SORCS2: variants seen among roughly 807,000 people sequenced by gnomAD.
SORCS2 encodes the protein VPS10 domain-containing receptor SorCS2.
SORCS2 carries 100 observed loss-of-function variants against 141.6 expected under a neutral mutation model. The observed-to-expected ratio is 0.71, with a 90% CI of 0.60 to 0.83. The LOEUF (loss-of-function observed/expected upper bound fraction) is 0.83. SORCS2 is among the 40% of genes least tolerant of loss of function. The probability of loss-of-function intolerance (pLI) is 0.00; values close to 1 mark genes in which losing one functional copy is unlikely to be tolerated. For missense variants in SORCS2, 1,646 were observed against 1,560.2 expected, an observed-to-expected ratio of 1.05 and a Z score of -0.93; for synonymous variants, 789 against 676.9, an observed-to-expected ratio of 1.17 and a Z score of -2.57.
intron 2 of SORCS2, among the ~76,000 whole-genome samples, chr4:7,440,668 C>T (rs1727606303): frequency 6.6e-6 from 1 of 152,230 alleles, no homozygotes; most frequent in Admixed American, 6.5e-5. Context: ...TCTGCCTGGT[C>T]ACCAACTGCT....
At position 7,654,181 on chromosome 4, in the gene SORCS2, G is replaced by A; in HGVS notation, c.861G>A (p.Glu287=). ...DLGKKWTLLQ[E]RVTKDHVFWS... Reference sequence around the variant, plus strand: ...GGAAAAAGTGGACACTTCTGCAAGAGCGAGTGACCAAAGACCACGTGTTCT... The same window carrying A: ...GGAAAAAGTGGACACTTCTGCAAGAACGAGTGACCAAAGACCACGTGTTCT... The change falls in exon 5 of 27, where the codon GAG becomes GAA. Residue 287 remains glutamate (E), a synonymous_variant. Coordinates refer to ENST00000507866, the MANE Select transcript of SORCS2 (RefSeq NM_020777.3). 1 of 1,582,952 alleles carries A rather than the reference G, an allele frequency of 6.3e-7. No homozygotes were observed. Among genetic ancestry groups the A allele is most frequent in the South Asian group, 1.2e-5 (1 of 86,800 alleles).
At position 7,216,958 on chromosome 4, in the gene SORCS2, G is replaced by A. The variant is rs369289491; in HGVS notation, c.480+23832G>A. Among the ~76,000 whole-genome samples the A allele has an allele frequency of 6.3e-3, 961 of 152,212 alleles. 5 individuals carry two copies. The highest frequency in any genetic ancestry group is 0.022 in the African/African-American group (907 of 41,556). ...CCGTCCGCACTGCGTGGCGGTTCCC[G>A]TGGCTCTTCTGATCCCCCATCCGCA... On this transcript the variant is annotated intron_variant, in intron 1 of 26. Coordinates refer to ENST00000507866, the MANE Select transcript of SORCS2 (RefSeq NM_020777.3).
intron 3 of SORCS2, among the ~76,000 whole-genome samples, chr4:7,624,454 G>C (rs1024658774): frequency 1.3e-5 from 2 of 152,224 alleles, no homozygotes; most frequent in African/African-American, 4.8e-5. Flanking sequence ...GCTGATGCAA[G>C]ATTTTAACCA....
At chr4:7,258,356 C>G (rs542978678) in intron 1 of SORCS2, among the ~76,000 whole-genome samples, 1 of 152,254 alleles carries the variant, frequency 6.6e-6, no homozygotes, top group Admixed American at 6.5e-5. Flanking sequence ...TCCATGTGTT[C>G]TCATTGTTCA....
At chr4:7,693,157 C>A (rs1036633480) in intron 11 of SORCS2, among the ~76,000 whole-genome samples, 3 of 151,866 alleles carry the variant, frequency 2.0e-5, no homozygotes, top group Non-Finnish European at 4.4e-5. Flanking sequence ...TGAGTGGCAT[C>A]TGAAGGATAC....
intron 3 of SORCS2, among the ~76,000 whole-genome samples, chr4:7,568,825 A>G (rs1214515735): frequency 6.6e-6 from 1 of 152,236 alleles, no homozygotes; most frequent in Non-Finnish European, 1.5e-5. Flanking sequence ...AATTCCGTGG[A>G]AAGTGACTGA....
At chr4:7,708,701 A>G (rs1284573818) in intron 14 of SORCS2, among the ~76,000 whole-genome samples, 3 of 152,172 alleles carry the variant, frequency 2.0e-5, no homozygotes, top group African/African-American at 7.2e-5. Flanking sequence ...GCCCCACTGC[A>G]TACTACGGGC....
intron 2 of SORCS2, among the ~76,000 whole-genome samples, chr4:7,402,251 C>T (rs1458838173): frequency 6.6e-6 from 1 of 152,208 alleles, no homozygotes; most frequent in Non-Finnish European, 1.5e-5. Flanking sequence ...CTCCTCCATC[C>T]TCTCACACCC....
chr4:7,646,319 G>T (rs538842190), intron 4 of SORCS2, among the ~76,000 whole-genome samples: 1 of 152,226 alleles, frequency 6.6e-6, no homozygotes, highest in Non-Finnish European at 1.5e-5. Flanking sequence ...TGGAAGGTAC[G>T]CATCCGTATG....
At chr4:7,699,156 A>C (rs1029270539) in intron 12 of SORCS2, among the ~76,000 whole-genome samples, 7 of 152,064 alleles carry the variant, frequency 4.6e-5, no homozygotes, top group African/African-American at 1.7e-4. Flanking sequence ...TGTGTGGGGG[A>C]GGCAGGAAAA....
chr4:7,724,738 AGTAG>A (rs1157462306), intron 19 of SORCS2, among the ~76,000 whole-genome samples: 1 of 9,296 alleles, frequency 1.1e-4, no homozygotes, highest in Admixed American at 1.3e-3. Flanking sequence ...GGATGGTGGT[AGTAG>A]TGGTGATGGT....
chr4:7,293,850 T>C, intron 1 of SORCS2, among the ~76,000 whole-genome samples: 1 of 152,206 alleles, frequency 6.6e-6, no homozygotes, highest in East Asian at 1.9e-4. Context: ...CTTTCATTAG[T>C]GCTTTTGGTG....
At chr4:7,565,135 C>T (rs1399256702) in intron 3 of SORCS2, among the ~76,000 whole-genome samples, 1 of 152,194 alleles carries the variant, frequency 6.6e-6, no homozygotes, top group Non-Finnish European at 1.5e-5. Context: ...ACTCCACTCG[C>T]TCAGGCTGCG....
intron 2 of SORCS2, among the ~76,000 whole-genome samples, chr4:7,419,290 A>G (rs1725890233): frequency 1.3e-5 from 2 of 152,132 alleles, no homozygotes; most frequent in Non-Finnish European, 2.9e-5. Context: ...CTGAGGGCAA[A>G]GCTAGGATCC....
Position 7,638,479 on chromosome 4 carries a change from CA to C in SORCS2, c.803del (p.Lys268ArgfsTer22). On this transcript the variant is annotated frameshift_variant, in exon 4 of 27. Coordinates refer to ENST00000507866, the MANE Select transcript of SORCS2 (RefSeq NM_020777.3). LOFTEE classifies it high-confidence loss of function. ...GAGGAGGACAAGGTCCTCGCCTACACAAAGGAGAGCAAGGTAAGATATATGG... is the reference window on the plus strand; with the variant it reads ...GAGGAGGACAAGGTCCTCGCCTACACAAGGAGAGCAAGGTAAGATATATGG... ...PKEEDKVLAYTKESKLYVSSD... is the reference protein window; with the variant it reads ...PKEEDKVLAYXKESKLYVSSD... 6.2e-7 allele frequency: 1 copy of C among 1,610,956 alleles called. No individual in the cohort carries two copies. The highest frequency in any genetic ancestry group is 8.5e-7 in the Non-Finnish European group (1 of 1,178,910).
At chr4:7,334,409 C>G (rs866447513) in intron 1 of SORCS2, among the ~76,000 whole-genome samples, 8 of 152,082 alleles carry the variant, frequency 5.3e-5, no homozygotes, top group African/African-American at 1.9e-4. Context: ...TTCCACAGCC[C>G]CCCAGGGGCT....
At chr4:7,469,577 C>A (rs1172313169) in intron 2 of SORCS2, among the ~76,000 whole-genome samples, 1 of 152,220 alleles carries the variant, frequency 6.6e-6, no homozygotes, top group Non-Finnish European at 1.5e-5. Flanking sequence ...TAGCTTCCTT[C>A]CAGCCCCACT....
At chr4:7,698,114 C>A (rs1448084000) in intron 12 of SORCS2, among the ~76,000 whole-genome samples, 1 of 152,224 alleles carries the variant, frequency 6.6e-6, no homozygotes, top group Non-Finnish European at 1.5e-5. Context: ...CACCGCCTCA[C>A]TGTACACTGG....
intron 20 of SORCS2, among the ~76,000 whole-genome samples, chr4:7,726,268 G>A (rs547307218): frequency 7.9e-5 from 12 of 152,364 alleles, no homozygotes; most frequent in East Asian, 3.9e-4. Context: ...CTAAATGCCC[G>A]TGGGGGGCAG....
Sources: allele counts gnomAD v4.1 joint callset (sites outside exome capture counted in the v4.1 genomes callset), GRCh38; gene constraint gnomAD v4.1.1; transcripts MANE v1.5; gene names NCBI Gene and HGNC (gene_info 2026-07-23, HGNC 2026-07-21).